Variants in DSCAM observed in about 807,000 individuals in gnomAD.
DSCAM encodes the protein DS cell adhesion molecule.
In DSCAM, 47 loss-of-function variants were observed where a neutral mutation model predicts 217.7. The observed-to-expected ratio is 0.22, with a 90% CI of 0.17 to 0.28. The LOEUF is 0.28. DSCAM is among the 10% of genes least tolerant of loss of function. The pLI, the probability that DSCAM is intolerant of heterozygous loss-of-function variation, is 1.00. For synonymous variants in DSCAM, 1,056 were observed against 1,015.3 expected (o/e 1.04, Z -0.76); for missense variants, 2,080 against 2,618.3 (o/e 0.79, Z 4.49).
intron 5 of DSCAM, among the ~76,000 whole-genome samples, chr21:40,350,877 C>CT (rs10658416): frequency 0.056 from 3,576 of 63,816 alleles, 708 homozygotes; most frequent in Middle Eastern, 0.14. Context: ...ATAAGTCATA[C>CT]TTTTTTTTTT....
rs921119619 is a variant in DSCAM, at chr21:40,112,897, G to C, written c.3696+11298C>G. Among the ~76,000 whole-genome samples the C allele has an allele frequency of 3.7e-4, 57 of 152,182 alleles. 1 individual carries two copies. The highest frequency in any genetic ancestry group is 1.3e-3 in the African/African-American group (54 of 41,540). On this transcript the variant is annotated intron_variant, in intron 20 of 32. Coordinates refer to ENST00000400454, the MANE Select transcript of DSCAM (RefSeq NM_001389.5). The stretch of plus-strand genomic sequence containing the variant: ...GTTGAATCTCTGAATAGACCAATAA[G>C]AGGCTCTGAAATTGAGGTAATAATT...
At chr21:40,382,838 C>G (rs184826967) in intron 3 of DSCAM, among the ~76,000 whole-genome samples, 1 of 152,156 alleles carries the variant, frequency 6.6e-6, no homozygotes, top group Non-Finnish European at 1.5e-5. Context: ...ACCTTTGTAA[C>G]AAAATGGTAT....
chr21:40,415,820 G>T (rs897335130), intron 3 of DSCAM, among the ~76,000 whole-genome samples: 3 of 151,986 alleles, frequency 2.0e-5, no homozygotes, highest in Non-Finnish European at 4.4e-5. Flanking sequence ...AACCCCTGCC[G>T]CAATCCCTAT....
At chr21:40,051,448 G>A (rs527838415) in intron 30 of DSCAM, among the ~76,000 whole-genome samples, 1 of 152,224 alleles carries the variant, frequency 6.6e-6, no homozygotes, top group South Asian at 2.1e-4. Flanking sequence ...ATAAGCTTTG[G>A]GGATAGATGG....
intron 10 of DSCAM, among the ~76,000 whole-genome samples, chr21:40,280,369 T>C (rs1236964853): frequency 6.6e-6 from 1 of 151,910 alleles, no homozygotes; most frequent in Non-Finnish European, 1.5e-5. Context: ...TAAAAATTTT[T>C]TGTAAAGATG....
At chr21:40,316,633 A>G (rs1219509565) in intron 8 of DSCAM, among the ~76,000 whole-genome samples, 1 of 152,198 alleles carries the variant, frequency 6.6e-6, no homozygotes, top group Admixed American at 6.5e-5. Flanking sequence ...GAAATCCTGA[A>G]TATGACACAC....
At chr21:40,625,551 C>A (rs2089588870) in intron 3 of DSCAM, among the ~76,000 whole-genome samples, 1 of 152,218 alleles carries the variant, frequency 6.6e-6, no homozygotes, top group Non-Finnish European at 1.5e-5. Context: ...CCTAAACTTG[C>A]TCAGTTAGAA....
chr21:40,748,002 ATT>A (rs1207906033), intron 1 of DSCAM, among the ~76,000 whole-genome samples: 1 of 152,014 alleles, frequency 6.6e-6, no homozygotes, highest in African/African-American at 2.4e-5. Context: ...GCTGAAAAAA[ATT>A]TGATAAAATT....
At chr21:40,507,400 T>TA (rs1187475783) in intron 3 of DSCAM, among the ~76,000 whole-genome samples, 1 of 152,202 alleles carries the variant, frequency 6.6e-6, no homozygotes, top group Non-Finnish European at 1.5e-5. Flanking sequence ...GTCTTACGGG[T>TA]AAAAAATACG....
chr21:40,567,245 GC>G (rs1281711670), intron 3 of DSCAM, among the ~76,000 whole-genome samples: 4 of 152,126 alleles, frequency 2.6e-5, no homozygotes, highest in African/African-American at 9.7e-5. Flanking sequence ...CAAATAGTTG[GC>G]CCCGGCTTTG....
chr21:40,615,068 C>A (rs752223746), intron 3 of DSCAM, among the ~76,000 whole-genome samples: 100 of 151,582 alleles, frequency 6.6e-4, no homozygotes, highest in Non-Finnish European at 1.4e-3. Flanking sequence ...CTTTGGGAGG[C>A]CGAGGCGGGC....
intron 3 of DSCAM, among the ~76,000 whole-genome samples, chr21:40,391,822 G>A (rs891510073): frequency 6.6e-6 from 1 of 152,316 alleles, no homozygotes; most frequent in Middle Eastern, 3.4e-3. Context: ...ATCTCATTTT[G>A]AGTATGGTAT....
At chr21:40,212,014 G>T (rs542460363) in intron 11 of DSCAM, among the ~76,000 whole-genome samples, 1 of 151,830 alleles carries the variant, frequency 6.6e-6, no homozygotes, top group African/African-American at 2.4e-5. Flanking sequence ...CTGTTGCCCA[G>T]GCTGGAGTTC....
chr21:40,629,377 G>C (rs1391658723), intron 3 of DSCAM, among the ~76,000 whole-genome samples: 1 of 152,190 alleles, frequency 6.6e-6, no homozygotes, highest in African/African-American at 2.4e-5. Context: ...TTGTGCATTT[G>C]TATGTATAGC....
At chr21:40,296,756 G>A (rs926753728) in intron 9 of DSCAM, among the ~76,000 whole-genome samples, 2 of 148,316 alleles carry the variant, frequency 1.3e-5, no homozygotes, top group Non-Finnish European at 2.9e-5. Context: ...GCTTGGACCC[G>A]GGAAGCGGAG....
intron 19 of DSCAM, among the ~76,000 whole-genome samples, chr21:40,127,887 G>A (rs147478975): frequency 3.9e-5 from 6 of 152,188 alleles, no homozygotes; most frequent in African/African-American, 1.2e-4. Context: ...TTCCCTGAAC[G>A]TGGTTTGCTT....
intron 3 of DSCAM, among the ~76,000 whole-genome samples, chr21:40,691,662 G>A (rs2090539158): frequency 6.6e-6 from 1 of 152,214 alleles, no homozygotes; most frequent in South Asian, 2.1e-4. Context: ...GTTAAATTAT[G>A]ATAATTAATC....
rs529683982 is a variant in DSCAM at position 40,807,477 on chromosome 21, G to A, written c.43+39142C>T. On this transcript the variant is annotated intron_variant, in intron 1 of 32. Transcript: ENST00000400454. ...GAGGTGGGGCGGGATGGGGGTGGAG[G>A]GCGAGGGGGAGGACAGGCTTCCTGT... is the stretch of plus-strand genomic sequence containing the variant. Among the ~76,000 whole-genome samples the A allele has an allele frequency of 4.6e-5, 7 of 152,214 alleles. No homozygotes were observed. The South Asian group carries it at 1.5e-3, about 32-fold the overall frequency.
At chr21:40,753,920 A>G (rs1217196948) in intron 1 of DSCAM, among the ~76,000 whole-genome samples, 1 of 152,230 alleles carries the variant, frequency 6.6e-6, no homozygotes, top group Non-Finnish European at 1.5e-5. Context: ...GGCTGGCTTT[A>G]TGACCTTGAG....
Sources: allele counts gnomAD v4.1 joint callset (sites outside exome capture counted in the v4.1 genomes callset), GRCh38; gene constraint gnomAD v4.1.1; transcripts MANE v1.5; gene names NCBI Gene and HGNC (gene_info 2026-07-23, HGNC 2026-07-21).